Variants in PARD3B observed in about 807,000 individuals in gnomAD.
The protein encoded by PARD3B is partitioning defective 3 homolog B.
PARD3B carries 103 observed loss-of-function variants against 130.2 expected under a neutral mutation model. That is an observed-to-expected ratio of 0.79 (90% CI 0.67 to 0.93). The LOEUF is 0.93. Ranked by LOEUF, PARD3B falls within the 40% of genes least tolerant of loss-of-function variation. The pLI, the probability that PARD3B is intolerant of heterozygous loss-of-function variation, is 0.00. For synonymous variants in PARD3B, 583 were observed against 553.2 expected (o/e 1.05, Z -0.76); for missense variants, 1,609 against 1,499.2 (o/e 1.07, Z -1.21).
At chr2:205,467,858 A>C (rs1341527933) in intron 20 of PARD3B, among the ~76,000 whole-genome samples, 1 of 152,222 alleles carries the variant, frequency 6.6e-6, no homozygotes, top group East Asian at 1.9e-4. Flanking sequence ...GCCACTAAAC[A>C]AGCACCATTG....
intron 2 of PARD3B, among the ~76,000 whole-genome samples, chr2:204,730,662 A>G (rs1344184063): frequency 6.6e-6 from 1 of 151,996 alleles, no homozygotes; most frequent in Non-Finnish European, 1.5e-5. Context: ...AAAAGCTCTC[A>G]TCGGAGAATA....
At chr2:205,049,176 T>G (rs1699015699) in intron 4 of PARD3B, among the ~76,000 whole-genome samples, 1 of 152,170 alleles carries the variant, frequency 6.6e-6, no homozygotes. Flanking sequence ...TATTTGCCCA[T>G]TTTCACACTG....
rs906480284 is a variant in PARD3B, at chr2:205,244,011, A to C, written c.2141-1767A>C. ...TGCTTTTTAGGCCTGAGAAAAACAG[A>C]ATTTGGCTCACAACTGGTGCCTTAT... On this transcript the variant is annotated intron_variant, in intron 15 of 22. Coordinates refer to ENST00000406610, the MANE Select transcript of PARD3B (RefSeq NM_001302769.2). The surrounding 1 kb of genome is among the most constrained non-coding windows in gnomAD (Gnocchi z 4.7). 2.0e-5 allele frequency among the ~76,000 whole-genome samples: 3 copies of C among 152,224 alleles called. No individual in the cohort carries two copies. Among genetic ancestry groups the C allele is most frequent in the African/African-American group, 7.2e-5 (3 of 41,464 alleles).
At chr2:205,371,128 T>C (rs897415502) in intron 18 of PARD3B, among the ~76,000 whole-genome samples, 1 of 152,194 alleles carries the variant, frequency 6.6e-6, no homozygotes, top group Non-Finnish European at 1.5e-5. Context: ...TTGAAAATCA[T>C]CTTGGAAAAG....
In PARD3B at chr2:205,091,092, C is replaced by T. The variant is rs1702077366; in HGVS notation, c.505-13334C>T. On this transcript the variant is annotated intron_variant, in intron 4 of 22. Coordinates refer to ENST00000406610, the MANE Select transcript of PARD3B (RefSeq NM_001302769.2). This position sits in a 1 kb window ranked among gnomAD's most constrained non-coding sequence, Gnocchi z 4.2. ...AATTAAGCAATCTGATTATAGTACA[C>T]CTTGGCTGCTTCTAGTTATTCTAGT... Among the ~76,000 whole-genome samples, 1 of 152,152 alleles carries T rather than the reference C, an allele frequency of 6.6e-6. No homozygotes were observed. Among genetic ancestry groups the T allele is most frequent in the Non-Finnish European group, 1.5e-5 (1 of 68,038 alleles).
chr2:205,069,209 A>C (rs147338306), intron 4 of PARD3B, among the ~76,000 whole-genome samples: 3 of 152,200 alleles, frequency 2.0e-5, no homozygotes, highest in Non-Finnish European at 2.9e-5. Flanking sequence ...TATCCATATT[A>C]GTAATTTTTC....
intron 2 of PARD3B, among the ~76,000 whole-genome samples, chr2:204,735,798 A>G (rs1312977574): frequency 6.6e-6 from 1 of 152,184 alleles, no homozygotes; most frequent in African/African-American, 2.4e-5. Flanking sequence ...GGTGTGTTGC[A>G]TCATGTTGTT....
At chr2:204,561,001 C>G (rs1464257310) in intron 1 of PARD3B, among the ~76,000 whole-genome samples, 1 of 145,886 alleles carries the variant, frequency 6.9e-6, no homozygotes, top group Non-Finnish European at 1.5e-5. Flanking sequence ...TGAGACATTT[C>G]AGTGAATATG....
At chr2:204,931,618 G>C (rs998679261) in intron 2 of PARD3B, among the ~76,000 whole-genome samples, 2 of 150,142 alleles carry the variant, frequency 1.3e-5, no homozygotes, top group Non-Finnish European at 3.0e-5. Context: ...TTTCTCCTAA[G>C]GAAAAAAATA....
intron 2 of PARD3B, among the ~76,000 whole-genome samples, chr2:204,763,093 C>A (rs1333147321): frequency 1.3e-5 from 2 of 152,090 alleles, no homozygotes; most frequent in Non-Finnish European, 2.9e-5. Context: ...AATTAGGTTC[C>A]CTCTATTGCC....
At chr2:204,688,687 C>T (rs1416568025) in intron 2 of PARD3B, among the ~76,000 whole-genome samples, 2 of 151,882 alleles carry the variant, frequency 1.3e-5, no homozygotes, top group African/African-American at 4.8e-5. Flanking sequence ...AAAGAAGGCC[C>T]TGCCAAATTT....
At chr2:205,111,931 A>G (rs914910036) in intron 5 of PARD3B, among the ~76,000 whole-genome samples, 2 of 152,098 alleles carry the variant, frequency 1.3e-5, no homozygotes, top group Non-Finnish European at 2.9e-5. Context: ...TTCTGTTAGT[A>G]TATAAAACGT....
Position 205,407,966 on chromosome 2 carries a change from G to A in PARD3B, c.2741+6843G>A, listed in dbSNP as rs2046466683. Among the ~76,000 whole-genome samples, 1 of 152,048 alleles carries A rather than the reference G, an allele frequency of 6.6e-6. No homozygotes were observed. The highest frequency in any genetic ancestry group is 2.1e-4 in the South Asian group (1 of 4,826). On this transcript the variant is annotated intron_variant, in intron 19 of 22. Transcript: ENST00000406610. This position sits in a 1 kb window ranked among gnomAD's most constrained non-coding sequence, Gnocchi z 4.1. Reference sequence around the variant, plus strand: ...ATCTTAGCAGGATACATGAGGAGATGGGAGAAAAAAAAGATCCAACCTCTT... The same window carrying A: ...ATCTTAGCAGGATACATGAGGAGATAGGAGAAAAAAAAGATCCAACCTCTT...
rs532441051 is a variant in PARD3B, at chr2:205,229,125, G to A, written c.2141-16653G>A. Among the ~76,000 whole-genome samples, 23 of 152,284 alleles carry A rather than the reference G, an allele frequency of 1.5e-4. No homozygotes were observed. Among genetic ancestry groups the A allele is most frequent in the African/African-American group, 5.3e-4 (22 of 41,558 alleles). On this transcript the variant is annotated intron_variant, in intron 15 of 22. Coordinates refer to ENST00000406610, the MANE Select transcript of PARD3B (RefSeq NM_001302769.2). This position sits in a 1 kb window ranked among gnomAD's most constrained non-coding sequence, Gnocchi z 5.2. ...GGGTCACTTGTGCCTTATTTAGTTC[G>A]TTTGGTGAAGTCATGTTTTCCTGGA... is the stretch of plus-strand genomic sequence containing the variant.
chr2:205,294,670 A>G (rs1477994527), intron 16 of PARD3B, among the ~76,000 whole-genome samples: 1 of 152,178 alleles, frequency 6.6e-6, no homozygotes, highest in East Asian at 1.9e-4. Flanking sequence ...AAATGTATGA[A>G]TCTTAATGAG....
intron 2 of PARD3B, among the ~76,000 whole-genome samples, chr2:204,942,672 A>G (rs956580874): frequency 2.0e-5 from 3 of 152,158 alleles, no homozygotes; most frequent in Non-Finnish European, 4.4e-5. Context: ...TCACCAGTGA[A>G]CTGATAATAG....
At chr2:205,548,754 G>T (rs964948581) in intron 21 of PARD3B, among the ~76,000 whole-genome samples, 1 of 152,080 alleles carries the variant, frequency 6.6e-6, no homozygotes, top group African/African-American at 2.4e-5. Context: ...ATCTGTGAAA[G>T]ATAAAATTAA....
intron 13 of PARD3B, among the ~76,000 whole-genome samples, chr2:205,178,263 T>C (rs2035596710): frequency 7.2e-6 from 1 of 139,766 alleles, no homozygotes; most frequent in African/African-American, 2.7e-5. Flanking sequence ...TTACTTAGTA[T>C]ACAGATAAAA....
chr2:204,546,847 G>C (rs1214131971), intron 1 of PARD3B, among the ~76,000 whole-genome samples: 2 of 152,308 alleles, frequency 1.3e-5, no homozygotes, highest in Admixed American at 6.5e-5. Flanking sequence ...TAAATTAAGT[G>C]ACAATTTTTT....
Sources: allele counts gnomAD v4.1 joint callset (sites outside exome capture counted in the v4.1 genomes callset), GRCh38; gene constraint gnomAD v4.1.1; non-coding constraint Gnocchi (gnomAD v3.1); transcripts MANE v1.5; gene names NCBI Gene and HGNC (gene_info 2026-07-23, HGNC 2026-07-21).